Variants in NHSL1 observed in about 807,000 individuals in gnomAD.
NHSL1 encodes NHS-like protein 1.
In NHSL1, 48 loss-of-function variants were observed where a neutral mutation model predicts 95.0. The observed-to-expected ratio is 0.51, with a 90% confidence interval of 0.40 to 0.64. The LOEUF is 0.64. NHSL1 is among the 30% of genes least tolerant of loss of function. NHSL1 has a pLI of 0.00. For missense variants in NHSL1, 1,971 were observed against 2,077.7 expected, an observed-to-expected ratio of 0.95 and a Z score of 1.00; for synonymous variants, 783 against 833.9, an observed-to-expected ratio of 0.94 and a Z score of 1.05.
At chr6:138,442,924 TATTG>T (rs1776619632) in intron 4 of NHSL1, among the ~76,000 whole-genome samples, 1 of 152,156 alleles carries the variant, frequency 6.6e-6, no homozygotes, top group South Asian at 2.1e-4. Flanking sequence ...CAACATCTGT[TATTG>T]ATTGATCTGT....
intron 1 of NHSL1, among the ~76,000 whole-genome samples, chr6:138,496,942 C>T (rs1283225561): frequency 1.3e-5 from 2 of 152,124 alleles, no homozygotes; most frequent in Non-Finnish European, 2.9e-5. Context: ...CATGTGGAGA[C>T]CCATTTGTGT....
At chr6:138,589,386 C>T (rs1784190336) in intron 1 of NHSL1, among the ~76,000 whole-genome samples, 2 of 152,092 alleles carry the variant, frequency 1.3e-5, no homozygotes, top group Admixed American at 1.3e-4. Flanking sequence ...AGGAGAGGAC[C>T]AGAGAATCAC....
chr6:138,608,076 T>C (rs916163176), intron 1 of NHSL1, among the ~76,000 whole-genome samples: 1 of 152,212 alleles, frequency 6.6e-6, no homozygotes, highest in African/African-American at 2.4e-5. Context: ...CAGGGAACAC[T>C]CTTCTGCAAC....
At chr6:138,616,625 T>G (rs1206641805) in intron 1 of NHSL1, among the ~76,000 whole-genome samples, 1 of 152,076 alleles carries the variant, frequency 6.6e-6, no homozygotes, top group Non-Finnish European at 1.5e-5. Context: ...GGGTCAGCAT[T>G]TAGCACGTGT....
At chr6:138,670,343 AC>A (rs750804115) in intron 1 of NHSL1, among the ~76,000 whole-genome samples, 8 of 151,648 alleles carry the variant, frequency 5.3e-5, no homozygotes, top group Non-Finnish European at 1.0e-4. Context: ...ACAGAAAAAA[AC>A]AACTTGCAGC....
At chr6:138,543,826 G>A (rs758035529) in intron 1 of NHSL1, among the ~76,000 whole-genome samples, 2 of 152,214 alleles carry the variant, frequency 1.3e-5, no homozygotes, top group Non-Finnish European at 2.9e-5. Flanking sequence ...GTCACAGGAA[G>A]AAAGTAGAAT....
At chr6:138,606,232 C>T (rs1283731704) in intron 1 of NHSL1, among the ~76,000 whole-genome samples, 1 of 152,192 alleles carries the variant, frequency 6.6e-6, no homozygotes, top group Non-Finnish European at 1.5e-5. Context: ...CCTTCCTCCT[C>T]TTCTTGCAAC....
At chr6:138,603,110 T>C (rs574170009) in intron 1 of NHSL1, among the ~76,000 whole-genome samples, 1 of 152,348 alleles carries the variant, frequency 6.6e-6, no homozygotes, top group East Asian at 1.9e-4. Flanking sequence ...ACTTAAGCAA[T>C]GGCCAAAATA....
intron 3 of NHSL1, among the ~76,000 whole-genome samples, chr6:138,466,489 AG>A (rs1287461053): frequency 6.6e-6 from 1 of 152,234 alleles, no homozygotes; most frequent in Non-Finnish European, 1.5e-5. Flanking sequence ...CTCTATGCTG[AG>A]TAAGGCCTAT....
chr6:138,543,929 A>G (rs1196462920), intron 1 of NHSL1, among the ~76,000 whole-genome samples: 1 of 152,214 alleles, frequency 6.6e-6, no homozygotes, highest in Non-Finnish European at 1.5e-5. Context: ...ACTTCAGCGT[A>G]AAAGCACTTA....
intron 2 of NHSL1, among the ~76,000 whole-genome samples, chr6:138,487,556 C>T (rs190043216): frequency 3.9e-5 from 6 of 152,290 alleles, no homozygotes; most frequent in East Asian, 3.9e-4. Flanking sequence ...GCTCAGCCAT[C>T]GGTAATATCT....
chr6:138,554,859 AT>A (rs1250244423), intron 1 of NHSL1, among the ~76,000 whole-genome samples: 1 of 152,144 alleles, frequency 6.6e-6, no homozygotes, highest in African/African-American at 2.4e-5. Context: ...GAAGCTAATA[AT>A]TTCCCTTTCA....
intron 1 of NHSL1, among the ~76,000 whole-genome samples, chr6:138,509,155 T>C (rs1781102413): frequency 6.6e-6 from 1 of 152,224 alleles, no homozygotes; most frequent in African/African-American, 2.4e-5. Flanking sequence ...TTCAATCACT[T>C]AGAAATTAAA....
At chr6:138,597,008 G>T (rs991278698) in intron 1 of NHSL1, among the ~76,000 whole-genome samples, 2 of 152,002 alleles carry the variant, frequency 1.3e-5, no homozygotes, top group Admixed American at 1.3e-4. Flanking sequence ...AAAAATATAA[G>T]AAATTAGCCA....
At chr6:138,504,482 T>TA (rs1780855462), upstream of NHSL1, among the ~76,000 whole-genome samples, 1 of 152,194 alleles carries the variant, frequency 6.6e-6, no homozygotes, top group South Asian at 2.1e-4. Context: ...CACCTGCTAT[T>TA]AGAGTACAGA....
In NHSL1 at chr6:138,496,377, GAA is replaced by G; in HGVS notation, c.59-8_59-7del. On this transcript the variant is annotated splice_polypyrimidine_tract_variant and splice_region_variant and intron_variant, in intron 1 of 7. Coordinates refer to ENST00000343505, the MANE Select transcript of NHSL1 (RefSeq NM_001144060.2). Reference sequence around the variant, plus strand: ...CTCATCTAGGTTGGAAACCGCTATAGAAAAAAAGATAGAATACATTCAGGTGT... The same window carrying G: ...CTCATCTAGGTTGGAAACCGCTATAGAAAAAGATAGAATACATTCAGGTGT... The G allele has an allele frequency of 6.5e-7, 1 of 1,549,612 alleles. No individual in the cohort carries two copies. The highest frequency in any genetic ancestry group is 1.2e-5 in the South Asian group (1 of 83,972).
chr6:138,435,583 C>T (rs1409307726), intron 5 of NHSL1, among the ~76,000 whole-genome samples: 1 of 152,142 alleles, frequency 6.6e-6, no homozygotes, highest in African/African-American at 2.4e-5. Flanking sequence ...AAATTCTATT[C>T]CCAAAACAGA....
intron 1 of NHSL1, among the ~76,000 whole-genome samples, chr6:138,667,473 A>T (rs1459970743): frequency 1.3e-5 from 2 of 152,256 alleles, no homozygotes; most frequent in African/African-American, 2.4e-5. Flanking sequence ...TATATAAAAA[A>T]TTAAGGAGGA....
intron 1 of NHSL1, among the ~76,000 whole-genome samples, chr6:138,554,872 C>T (rs1231244516): frequency 6.6e-6 from 1 of 152,214 alleles, no homozygotes; most frequent in African/African-American, 2.4e-5. Context: ...TCCCTTTCAA[C>T]TGCCAAGGCT....
Sources: allele counts gnomAD v4.1 joint callset (sites outside exome capture counted in the v4.1 genomes callset), GRCh38; gene constraint gnomAD v4.1.1; transcripts MANE v1.5; gene names NCBI Gene and HGNC (gene_info 2026-07-23, HGNC 2026-07-21).